GPR39: variants seen among roughly 807,000 people sequenced by gnomAD.
The protein encoded by GPR39 is zinc sensing receptor.
Under a neutral mutation model 18.4 loss-of-function variants are expected in GPR39, and 23 were observed. The observed-to-expected ratio is 1.25, with a 90% CI of 0.90 to 1.77. The LOEUF is 1.77. Among genes scored for constraint, GPR39 ranks in the 40% most tolerant of loss-of-function variants. The probability of loss-of-function intolerance (pLI) is 0.00; values close to 1 mark genes in which losing one functional copy is unlikely to be tolerated. For synonymous variants in GPR39, 280 were observed against 257.9 expected (o/e 1.09, Z -0.82); for missense variants, 647 against 602.4 (o/e 1.07, Z -0.78).
intron 1 of GPR39, among the ~76,000 whole-genome samples, chr2:132,589,747 TG>T (rs2104830631): frequency 6.6e-6 from 1 of 152,364 alleles, no homozygotes; most frequent in East Asian, 1.9e-4. Flanking sequence ...GGTGTCCCAT[TG>T]CTCTAACTGC....
In GPR39 at chr2:132,646,533, T is replaced by G. The variant is rs772528484; in HGVS notation, c.*927T>G. The stretch of plus-strand genomic sequence containing the variant: ...AGATGCCAATACCTGTGAATACCTG[T>G]TAATAAAGAGCTGTTAAATAGACTT... On this transcript the variant is annotated 3_prime_UTR_variant, in exon 2 of 2. Coordinates refer to ENST00000329321, the MANE Select transcript of GPR39 (RefSeq NM_001508.3). The G allele has an allele frequency of 1.3e-5, 5 of 376,174 alleles. No individual in the cohort carries two copies. Among genetic ancestry groups the G allele is most frequent in the Admixed American group, 4.5e-5 (1 of 22,006 alleles). 23.3% of individuals were successfully genotyped at this position (376,174 alleles called of 1,614,324 possible).
intron 1 of GPR39, among the ~76,000 whole-genome samples, chr2:132,424,786 TA>T (rs1321707878): frequency 6.6e-6 from 1 of 152,092 alleles, no homozygotes; most frequent in Admixed American, 6.5e-5. Flanking sequence ...GTTTATAGAA[TA>T]AAAAAACAGA....
intron 1 of GPR39, among the ~76,000 whole-genome samples, chr2:132,605,822 G>A (rs1681127056): frequency 6.6e-6 from 1 of 152,190 alleles, no homozygotes; most frequent in African/African-American, 2.4e-5. Flanking sequence ...GGTAGCAGAG[G>A]CCAAAGGGAG....
intron 1 of GPR39, among the ~76,000 whole-genome samples, chr2:132,580,346 C>T (rs868269196): frequency 1.3e-5 from 2 of 152,150 alleles, no homozygotes; most frequent in Non-Finnish European, 2.9e-5. Flanking sequence ...AACCATTTCC[C>T]GTTTTCCTTT....
chr2:132,605,006 CTT>C (rs1681108767), intron 1 of GPR39: 2 of 152,188 alleles, frequency 1.3e-5, no homozygotes, highest in South Asian at 4.1e-4. Flanking sequence ...TTCATTTACT[CTT>C]TATAAGATAC....
intron 1 of GPR39, among the ~76,000 whole-genome samples, chr2:132,547,310 A>G (rs1266892867): frequency 1.3e-5 from 2 of 152,208 alleles, no homozygotes; most frequent in African/African-American, 2.4e-5. Context: ...ATGCACGTAC[A>G]TTAATTCCGG....
At chr2:132,606,532 C>G (rs1347031074) in intron 1 of GPR39, among the ~76,000 whole-genome samples, 2 of 152,188 alleles carry the variant, frequency 1.3e-5, no homozygotes, top group Non-Finnish European at 2.9e-5. Context: ...GGCTCCAACC[C>G]ATAGCAGCAT....
In GPR39 at chr2:132,615,026, C is replaced by A. The variant is rs574582824; in HGVS notation, c.857-30075C>A. 3.0e-4 allele frequency among the ~76,000 whole-genome samples: 46 copies of A among 152,204 alleles called. 1 individual carries two copies. The highest frequency in any genetic ancestry group is 2.6e-4 in the Non-Finnish European group (18 of 68,028). On this transcript the variant is annotated intron_variant, in intron 1 of 1. Transcript: ENST00000329321. ...ACCCTCTCTAGACCCAGGCATCTCA[C>A]CCCTTCCCGGCTCTGTTCGTTTGCT...
intron 1 of GPR39, among the ~76,000 whole-genome samples, chr2:132,540,202 C>A (rs1234608224): frequency 6.6e-6 from 1 of 152,020 alleles, no homozygotes; most frequent in Non-Finnish European, 1.5e-5. Flanking sequence ...ACTTTTCCTT[C>A]CAATGCAAAA....
intron 1 of GPR39, among the ~76,000 whole-genome samples, chr2:132,560,713 T>C (rs1451569450): frequency 6.6e-6 from 1 of 152,108 alleles, no homozygotes; most frequent in Non-Finnish European, 1.5e-5. Context: ...TCTTCCTCCA[T>C]CCAGTCCTCA....
chr2:132,501,675 G>T (rs921553520), intron 1 of GPR39, among the ~76,000 whole-genome samples: 1 of 151,890 alleles, frequency 6.6e-6, no homozygotes, highest in African/African-American at 2.4e-5. Flanking sequence ...GACCTGTCTA[G>T]TAAAGTCCCT....
At chr2:132,538,009 G>A (rs922158830) in intron 1 of GPR39, among the ~76,000 whole-genome samples, 4 of 151,912 alleles carry the variant, frequency 2.6e-5, no homozygotes, top group African/African-American at 9.7e-5. Context: ...TTAGCTCAGC[G>A]GAGTTTGTTA....
chr2:132,639,170 C>T (rs1681816833), intron 1 of GPR39, among the ~76,000 whole-genome samples: 1 of 152,026 alleles, frequency 6.6e-6, no homozygotes, highest in South Asian at 2.1e-4. Context: ...TATCATCAGT[C>T]CCTAGGACAG....
intron 1 of GPR39, among the ~76,000 whole-genome samples, chr2:132,568,612 A>G (rs1027418181): frequency 4.6e-5 from 7 of 152,052 alleles, no homozygotes; most frequent in Non-Finnish European, 8.8e-5. Context: ...AGCCTGAGGC[A>G]GGAGAATGGC....
At chr2:132,477,362 A>C (rs770524551) in intron 1 of GPR39, among the ~76,000 whole-genome samples, 4 of 152,136 alleles carry the variant, frequency 2.6e-5, no homozygotes, top group Non-Finnish European at 4.4e-5. Flanking sequence ...GACAGCATAC[A>C]ACAGGGCCAG....
intron 1 of GPR39, among the ~76,000 whole-genome samples, chr2:132,451,812 G>C (rs184639540): frequency 6.6e-6 from 1 of 152,106 alleles, no homozygotes; most frequent in Admixed American, 6.6e-5. Context: ...TACATTTTCA[G>C]GGTTTATAAT....
At chr2:132,607,563 C>T (rs1001430789) in intron 1 of GPR39, among the ~76,000 whole-genome samples, 1 of 151,970 alleles carries the variant, frequency 6.6e-6, no homozygotes, top group Admixed American at 6.6e-5. Context: ...TCTCCTGCAG[C>T]CTAAAGTTAT....
intron 1 of GPR39, among the ~76,000 whole-genome samples, chr2:132,494,966 C>T (rs999266097): frequency 6.6e-6 from 1 of 152,090 alleles, no homozygotes; most frequent in Non-Finnish European, 1.5e-5. Flanking sequence ...GCTGACTTTA[C>T]ACGTAAAGGG....
chr2:132,527,586 AGC>A (rs1303379359), intron 1 of GPR39, among the ~76,000 whole-genome samples: 6 of 152,218 alleles, frequency 3.9e-5, no homozygotes, highest in Admixed American at 2.6e-4. Context: ...ATTTCTCCAC[AGC>A]ATTGCCAGCA....
Sources: gnomAD v4.1 joint callset for allele counts (sites outside exome capture counted in the v4.1 genomes callset) on GRCh38, gnomAD v4.1.1 for gene constraint, MANE v1.5 for transcripts, NCBI Gene and HGNC (gene_info 2026-07-23, HGNC 2026-07-21) for gene names.